PHF20: variants seen among roughly 807,000 people sequenced by gnomAD.
PHF20 encodes PHD finger protein 20, also known as glioma-expressed antigen 2.
A neutral mutation model predicts 113.5 loss-of-function variants in PHF20; 23 were observed. That is an observed-to-expected ratio of 0.20 (90% CI 0.15 to 0.29). PHF20 has a LOEUF of 0.29. Among genes scored for constraint, PHF20 ranks in the 10% least tolerant of loss-of-function variants. The pLI is 1.00. For missense variants in PHF20, 943 were observed against 1,219.6 expected (o/e 0.77, Z 3.38); for synonymous variants, 434 against 457.3 (o/e 0.95, Z 0.65).
intron 9 of PHF20, among the ~76,000 whole-genome samples, chr20:35,888,403 C>G (rs1299777640): frequency 6.6e-6 from 1 of 152,090 alleles, no homozygotes; most frequent in Non-Finnish European, 1.5e-5. Flanking sequence ...GCCTGGATGC[C>G]CAGGAGAGAG....
At chr20:35,900,249 A>C (rs1600902211) in intron 10 of PHF20, among the ~76,000 whole-genome samples, 1 of 152,224 alleles carries the variant, frequency 6.6e-6, no homozygotes, top group East Asian at 1.9e-4. Flanking sequence ...TTTCCAGGGG[A>C]ATTTCAGAAG....
chr20:35,904,804 T>TCC (rs1600909851), intron 10 of PHF20, among the ~76,000 whole-genome samples: 36 of 147,562 alleles, frequency 2.4e-4, no homozygotes, highest in Middle Eastern at 6.8e-3. Flanking sequence ...CTTCCTTCCT[T>TCC]TCTTTTCTTT....
chr20:35,867,236 T>G (rs2054334494), intron 6 of PHF20, among the ~76,000 whole-genome samples: 1 of 151,992 alleles, frequency 6.6e-6, no homozygotes. Flanking sequence ...TCTGAGCTAT[T>G]TAGAGAGGGT....
intron 4 of PHF20, chr20:35,849,269 A>G: frequency 2.8e-6 from 1 of 358,838 alleles, no homozygotes; most frequent in Non-Finnish European, 5.6e-6. Context: ...TGATTCAGAG[A>G]TGAAGATAAT....
At chr20:35,918,245 C>T (rs1245719608) in intron 13 of PHF20, among the ~76,000 whole-genome samples, 3 of 152,010 alleles carry the variant, frequency 2.0e-5, no homozygotes, top group South Asian at 2.1e-4. Context: ...GGAGAGGTGG[C>T]GCTGGCTGGC....
intron 10 of PHF20, among the ~76,000 whole-genome samples, chr20:35,905,833 T>C (rs1267117832): frequency 6.6e-6 from 1 of 152,238 alleles, no homozygotes; most frequent in African/African-American, 2.4e-5. Flanking sequence ...GTGCCCCTTC[T>C]GATGCCAGCC....
intron 2 of PHF20, among the ~76,000 whole-genome samples, chr20:35,827,424 A>G (rs1199273508): frequency 6.6e-6 from 1 of 152,248 alleles, no homozygotes; most frequent in Non-Finnish European, 1.5e-5. Flanking sequence ...TTACATGGCT[A>G]AGACAAAAGA....
At chr20:35,886,298 C>T (rs1245032288) in intron 9 of PHF20, among the ~76,000 whole-genome samples, 3 of 151,868 alleles carry the variant, frequency 2.0e-5, no homozygotes, top group African/African-American at 2.4e-5. Context: ...ACCACCATGC[C>T]CAGCTTTTTT....
chr20:35,889,682 G>A (rs551165544), intron 9 of PHF20, among the ~76,000 whole-genome samples: 6 of 150,870 alleles, frequency 4.0e-5, no homozygotes, highest in Non-Finnish European at 5.9e-5. Flanking sequence ...GTTTTATTTC[G>A]CATAGTTATA....
chr20:35,897,866 GT>G (rs1048024808), intron 9 of PHF20, among the ~76,000 whole-genome samples: 5 of 140,316 alleles, frequency 3.6e-5, no homozygotes, highest in South Asian at 2.3e-4. Context: ...CACGCCCGGT[GT>G]TTTTTTTTTG....
intron 2 of PHF20, among the ~76,000 whole-genome samples, chr20:35,830,856 A>G (rs1444727821): frequency 2.6e-5 from 4 of 151,682 alleles, no homozygotes; most frequent in African/African-American, 9.7e-5. Context: ...CCCAGCATCC[A>G]TTAGCTCTTC....
In PHF20 at chr20:35,863,543, G is replaced by A. The variant is rs2054258648; in HGVS notation, c.808+143G>A. The A allele has an allele frequency of 1.0e-5, 9 of 858,472 alleles. No homozygotes were observed. The East Asian group carries it at 1.8e-4, about 17-fold the overall frequency. The allele number at this position is 858,472 out of a possible 1,614,324, so 53.2% of individuals were successfully genotyped here. A position where few individuals can be genotyped will look rare whatever the true frequency, so the allele number is the denominator to read the frequency against. On this transcript the variant is annotated intron_variant, in intron 6 of 17. Transcript: ENST00000374012. ...GTCTTATGATCTGGAAACAAGTTGTGTTCATGAAGCTGAATTTAAGTGAGG... is the reference window on the plus strand; with the variant it reads ...GTCTTATGATCTGGAAACAAGTTGTATTCATGAAGCTGAATTTAAGTGAGG...
chr20:35,808,253 T>C (rs933094270), intron 2 of PHF20, among the ~76,000 whole-genome samples: 4 of 152,220 alleles, frequency 2.6e-5, no homozygotes, highest in African/African-American at 9.6e-5. Context: ...CCTTACTTTT[T>C]TTCTTTCCTT....
In PHF20 at chr20:35,917,670, G is replaced by A; in HGVS notation, c.2004+8G>A. 6.2e-7 allele frequency: 1 copy of A among 1,610,300 alleles called. No individual in the cohort carries two copies. Among genetic ancestry groups the A allele is most frequent in the Non-Finnish European group, 8.5e-7 (1 of 1,178,180 alleles). The stretch of plus-strand genomic sequence containing the variant: ...AATGACTTCATGATTCAGGTAGGCA[G>A]AGCTTCCAGGAAACAGGTCTAGAGA... On this transcript the variant is annotated splice_region_variant and intron_variant, in intron 13 of 17. Transcript: ENST00000374012.
At chr20:35,862,033 G>C (rs1307194326) in intron 5 of PHF20, among the ~76,000 whole-genome samples, 2 of 152,152 alleles carry the variant, frequency 1.3e-5, no homozygotes, top group Admixed American at 6.5e-5. Context: ...AGAGCTTTCA[G>C]ACCTGGCCTT....
chr20:35,833,089 T>C (rs1188643681), intron 2 of PHF20, among the ~76,000 whole-genome samples: 1 of 151,852 alleles, frequency 6.6e-6, no homozygotes, highest in African/African-American at 2.4e-5. Context: ...TGATTCTGTA[T>C]TTCTAAACCC....
intron 10 of PHF20, among the ~76,000 whole-genome samples, chr20:35,907,954 A>C (rs1175672258): frequency 6.6e-6 from 1 of 152,180 alleles, no homozygotes; most frequent in African/African-American, 2.4e-5. Context: ...TTGTTTTAAG[A>C]ATTTGGATGC....
intron 4 of PHF20, among the ~76,000 whole-genome samples, chr20:35,850,343 C>G (rs1284461071): frequency 9.5e-6 from 1 of 105,180 alleles, no homozygotes; most frequent in Non-Finnish European, 1.8e-5. Context: ...GAATCTTGCT[C>G]TGTTGTCCAG....
intron 10 of PHF20, among the ~76,000 whole-genome samples, chr20:35,901,073 G>C (rs989031510): frequency 1.2e-4 from 18 of 152,016 alleles, no homozygotes; most frequent in Admixed American, 1.2e-3. Flanking sequence ...TTATGAAAAA[G>C]TATTGGTTTA....
Sources: allele counts gnomAD v4.1 joint callset (sites outside exome capture counted in the v4.1 genomes callset), GRCh38; gene constraint gnomAD v4.1.1; transcripts MANE v1.5; gene names NCBI Gene and HGNC (gene_info 2026-07-23, HGNC 2026-07-21).